SYNPO: variants seen among roughly 807,000 people sequenced by gnomAD.
The protein encoded by SYNPO is synaptopodin.
SYNPO carries 19 observed loss-of-function variants against 49.5 expected under a neutral mutation model. The observed-to-expected ratio is 0.38, with a 90% CI of 0.27 to 0.56. The LOEUF (loss-of-function observed/expected upper bound fraction) is 0.56, where lower values mean the gene tolerates loss of function less well. SYNPO is among the 20% of genes least tolerant of loss of function. The pLI is 0.68. For synonymous variants in SYNPO, 536 were observed against 548.0 expected (o/e 0.98, Z 0.31); for missense variants, 1,131 against 1,248.3 (o/e 0.91, Z 1.42).
chr5:150,650,967 G>A (rs892388221), intron 2 of SYNPO: 6 of 1,253,220 alleles, frequency 4.8e-6, no homozygotes, highest in East Asian at 3.1e-5. Context: ...CTGCGGACTC[G>A]GCCCACCACT....
chr5:150,652,089 G>C (rs1758408348), intron 2 of SYNPO: 1 of 999,908 alleles, frequency 1.0e-6, no homozygotes, highest in African/African-American at 1.8e-5. Context: ...GAACAGGGGT[G>C]CCTTCTTAGT....
upstream of SYNPO, chr5:150,640,569 T>TG (rs1757865986): frequency 1.2e-6 from 1 of 861,378 alleles, no homozygotes. Flanking sequence ...GGGAGGAAGA[T>TG]GAATCTGGCA....
intron 2 of SYNPO, among the ~76,000 whole-genome samples, chr5:150,619,306 A>C (rs1169198480): frequency 6.6e-6 from 1 of 152,104 alleles, no homozygotes; most frequent in Non-Finnish European, 1.5e-5. Context: ...CAGAGTGAGG[A>C]AAAAGACAGC....
chr5:150,645,037 T>C (rs1758040712), intron 1 of SYNPO, among the ~76,000 whole-genome samples: 1 of 152,210 alleles, frequency 6.6e-6, no homozygotes, highest in Non-Finnish European at 1.5e-5. Flanking sequence ...GCTGTGACGC[T>C]GCTGGTCACA....
chr5:150,624,048 G>C (rs762791776), intron 2 of SYNPO, among the ~76,000 whole-genome samples: 8 of 152,204 alleles, frequency 5.3e-5, no homozygotes, highest in Non-Finnish European at 1.2e-4. Flanking sequence ...CCACTGCCAT[G>C]GGGCTTCGCA....
upstream of SYNPO, among the ~76,000 whole-genome samples, chr5:150,597,166 C>T (rs1581438331): frequency 6.6e-6 from 1 of 152,298 alleles, no homozygotes; most frequent in Non-Finnish European, 1.5e-5. Context: ...GCCTCTTACT[C>T]TGAGCCCATG....
intron 2 of SYNPO, chr5:150,650,934 C>A: frequency 8.0e-7 from 1 of 1,255,834 alleles, no homozygotes; most frequent in Non-Finnish European, 1.0e-6. Context: ...CGCCTGCGCT[C>A]CCCTCCAGGG....
intron 1 of SYNPO, chr5:150,618,044 A>T: frequency 4.3e-6 from 1 of 231,624 alleles, no homozygotes. Context: ...TCAGAAATTC[A>T]GCCTGGAACC....
Position 150,657,414 on chromosome 5 carries a change from T to G in SYNPO, c.*327T>G, listed in dbSNP as rs1228399506. The G allele has an allele frequency of 4.6e-6, 1 of 219,072 alleles. No homozygotes were observed. The highest frequency in any genetic ancestry group is 8.3e-6 in the Non-Finnish European group (1 of 119,782). The allele number at this position is 219,072 out of a possible 1,614,324, so 13.6% of individuals were successfully genotyped here. On this transcript the variant is annotated 3_prime_UTR_variant, in exon 3 of 3. Transcript: ENST00000307662. Reference sequence around the variant, plus strand: ...CACACCGATGCACACACACTCTCTCTTTCTCTCTCTCTCTCTCTCACACAC... The same window carrying G: ...CACACCGATGCACACACACTCTCTCGTTCTCTCTCTCTCTCTCTCACACAC...
intron 1 of SYNPO, among the ~76,000 whole-genome samples, chr5:150,602,272 T>C (rs1756564216): frequency 1.3e-5 from 2 of 152,234 alleles, no homozygotes; most frequent in South Asian, 2.1e-4. Context: ...GCTACGGATG[T>C]TGGACACGTC....
Position 150,649,274 on chromosome 5 carries a change from G to C in SYNPO, c.999G>C (p.Trp333Cys), listed in dbSNP as rs770586927. ...TGTCCACAGCCCCTCTGGCTTCCTG[G>C]GTGAGGTCTCCTCCCTCATATTCTG... The part of the protein sequence containing the change: ...ETLSTAPLAS[W>C]VRSPPSYSVL... The change falls in exon 2 of 3, where the codon TGG becomes TGC. Residue 333 changes from tryptophan (W) to cysteine (C), a missense_variant. Transcript: ENST00000307662. The C allele has an allele frequency of 1.2e-6, 2 of 1,614,150 alleles. No homozygotes were observed. Among genetic ancestry groups the C allele is most frequent in the Admixed American group, 3.3e-5 (2 of 60,028 alleles).
chr5:150,640,822 G>T lies in SYNPO; in HGVS notation c.-365G>T. On this transcript the variant is annotated 5_prime_UTR_variant, in exon 1 of 3. Transcript: ENST00000307662. ...CTTGAAGGCCGGCAGGAGCATCCAGGGGGAAGCTTGGCTTCAGGGAGGACC... is the reference window on the plus strand; with the variant it reads ...CTTGAAGGCCGGCAGGAGCATCCAGTGGGAAGCTTGGCTTCAGGGAGGACC... 1 of 985,624 alleles carries T rather than the reference G, an allele frequency of 1.0e-6. No homozygotes were observed. Among genetic ancestry groups the T allele is most frequent in the Non-Finnish European group, 1.2e-6 (1 of 829,970 alleles). 61.1% of individuals were successfully genotyped at this position (985,624 alleles called of 1,614,324 possible). A position where few individuals can be genotyped will look rare whatever the true frequency, so the allele number is the denominator to read the frequency against.
chr5:150,645,283 G>C (rs1485915523), intron 1 of SYNPO, among the ~76,000 whole-genome samples: 1 of 152,160 alleles, frequency 6.6e-6, no homozygotes, highest in Non-Finnish European at 1.5e-5. Context: ...GTGCTAATGA[G>C]GGCAAGGGAG....
At chr5:150,615,996 T>A (rs1005986310) in intron 1 of SYNPO, among the ~76,000 whole-genome samples, 2 of 152,222 alleles carry the variant, frequency 1.3e-5, no homozygotes, top group African/African-American at 4.8e-5. Context: ...CTTCTGTTCT[T>A]CCCCGGGGGG....
At chr5:150,633,971 TA>T (rs527279591) in intron 2 of SYNPO, among the ~76,000 whole-genome samples, 4 of 151,630 alleles carry the variant, frequency 2.6e-5, no homozygotes, top group East Asian at 1.9e-4. Context: ...AAATAAAAAT[TA>T]AAAAAAAGAC....
At chr5:150,619,128 G>C (rs955283432) in intron 2 of SYNPO, among the ~76,000 whole-genome samples, 6 of 152,150 alleles carry the variant, frequency 3.9e-5, no homozygotes, top group Non-Finnish European at 7.4e-5. Flanking sequence ...AACCGATGGG[G>C]CAGAACCCTC....
the SYNPO span, among the ~76,000 whole-genome samples, chr5:150,586,571 A>AGGAT: frequency 0.39 from 57,675 of 149,668 alleles, 12,949 homozygotes; most frequent in African/African-American, 0.63. Flanking sequence ...GGTGGATGGA[A>AGGAT]GGATGGATGG....
At position 150,650,632 on chromosome 5, in the gene SYNPO, T is replaced by C. The variant is rs1758343040; in HGVS notation, c.2028+329T>C. Reference sequence around the variant, plus strand: ...GCGGTAGAGGGGCATCCTCTGGCCTTTGTGAGCTGTAGGGATGCAGAGTCT... The same window carrying C: ...GCGGTAGAGGGGCATCCTCTGGCCTCTGTGAGCTGTAGGGATGCAGAGTCT... On this transcript the variant is annotated intron_variant, in intron 2 of 2. Transcript: ENST00000307662. 3 of 1,444,424 alleles carry C rather than the reference T, an allele frequency of 2.1e-6. No individual in the cohort carries two copies. In the East Asian group the frequency reaches 7.5e-5, roughly 36 times the overall value. The allele number at this position is 1,444,424 out of a possible 1,614,324, so 89.5% of individuals were successfully genotyped here. A position where few individuals can be genotyped will look rare whatever the true frequency, so the allele number is the denominator to read the frequency against.
At chr5:150,593,053 C>A in the SYNPO span, among the ~76,000 whole-genome samples, 738 of 152,340 alleles carry the variant, frequency 4.8e-3, 6 homozygotes, top group African/African-American at 0.017. Flanking sequence ...CCCCTCTGTC[C>A]CGGGACAGTC....
Sources: allele counts gnomAD v4.1 joint callset (sites outside exome capture counted in the v4.1 genomes callset), GRCh38; gene constraint gnomAD v4.1.1; transcripts MANE v1.5; gene names NCBI Gene and HGNC (gene_info 2026-07-23, HGNC 2026-07-21).